The following NCKAP5 variants were observed in gnomAD, a reference collection of about 807,000 sequenced individuals.
NCKAP5 encodes nck-associated protein 5.
A neutral mutation model predicts 167.0 loss-of-function variants in NCKAP5; 92 were observed. The ratio of observed to expected loss-of-function variants is 0.55; its 90% CI spans 0.47 to 0.66. The LOEUF (loss-of-function observed/expected upper bound fraction) is 0.66. NCKAP5 is among the 30% of genes least tolerant of loss of function. NCKAP5 has a pLI of 0.00. For missense variants in NCKAP5, 2,378 were observed against 2,315.0 expected, an observed-to-expected ratio of 1.03 and a Z score of -0.56; for synonymous variants, 891 against 877.4, an observed-to-expected ratio of 1.02 and a Z score of -0.27.
chr2:133,029,749 T>A (rs1230496069), intron 6 of NCKAP5, among the ~76,000 whole-genome samples: 1 of 152,118 alleles, frequency 6.6e-6, no homozygotes, highest in Non-Finnish European at 1.5e-5. Flanking sequence ...TATCAGGCTG[T>A]GCTAGGGGAC....
chr2:133,470,647 G>A (rs1487724561), intron 3 of NCKAP5, among the ~76,000 whole-genome samples: 7 of 152,208 alleles, frequency 4.6e-5, no homozygotes, highest in Admixed American at 6.5e-5. Flanking sequence ...AGACTGCTGT[G>A]CTAGTAATCA....
intron 16 of NCKAP5, among the ~76,000 whole-genome samples, chr2:132,744,961 G>T (rs1012949731): frequency 8.6e-5 from 13 of 151,622 alleles, no homozygotes; most frequent in Non-Finnish European, 1.0e-4. Flanking sequence ...AATTGAATTT[G>T]GAATTAAAAA....
At chr2:133,539,918 C>T (rs940463418) in intron 2 of NCKAP5, among the ~76,000 whole-genome samples, 4 of 152,306 alleles carry the variant, frequency 2.6e-5, no homozygotes, top group Non-Finnish European at 2.9e-5. Context: ...CGGTGGCTCA[C>T]GCCTGTAATC....
intron 3 of NCKAP5, among the ~76,000 whole-genome samples, chr2:133,444,228 A>G (rs1181813299): frequency 6.6e-6 from 1 of 152,190 alleles, no homozygotes; most frequent in African/African-American, 2.4e-5. Context: ...TTTTGGTACC[A>G]TGGTCTAGGG....
chr2:132,838,095 A>T (rs751207362), intron 11 of NCKAP5, among the ~76,000 whole-genome samples: 12 of 152,172 alleles, frequency 7.9e-5, no homozygotes, highest in Non-Finnish European at 1.8e-4. Flanking sequence ...TCACAAGTCA[A>T]ACCCTTTGTT....
At chr2:133,270,317 T>A (rs957128752) in intron 4 of NCKAP5, among the ~76,000 whole-genome samples, 2 of 152,158 alleles carry the variant, frequency 1.3e-5, no homozygotes, top group Admixed American at 6.5e-5. Context: ...CTTAAAAAAA[T>A]TATTAAAAAA....
At chr2:133,064,010 G>A (rs1016937200) in intron 6 of NCKAP5, among the ~76,000 whole-genome samples, 62 of 152,286 alleles carry the variant, frequency 4.1e-4, no homozygotes, top group African/African-American at 1.5e-3. Flanking sequence ...TTTCTTAGCA[G>A]TTGTTGCCAC....
At chr2:132,719,062 G>C (rs952086012) in intron 19 of NCKAP5, among the ~76,000 whole-genome samples, 1 of 152,146 alleles carries the variant, frequency 6.6e-6, no homozygotes. Context: ...TAGAGAAGAA[G>C]GGTGTTAGTA....
chr2:133,515,481 A>G (rs779973910), intron 3 of NCKAP5, among the ~76,000 whole-genome samples: 2 of 152,202 alleles, frequency 1.3e-5, no homozygotes, highest in Non-Finnish European at 2.9e-5. Flanking sequence ...AAGCTCTCCT[A>G]AGCATGACAC....
chr2:133,285,446 A>G (rs901568008), intron 4 of NCKAP5, among the ~76,000 whole-genome samples: 1 of 151,312 alleles, frequency 6.6e-6, no homozygotes, highest in Non-Finnish European at 1.5e-5. Context: ...CTATAGTATA[A>G]TGGTTTAGCA....
chr2:133,531,395 AC>A (rs1287608166), intron 2 of NCKAP5, among the ~76,000 whole-genome samples: 1 of 152,030 alleles, frequency 6.6e-6, no homozygotes, highest in East Asian at 1.9e-4. Flanking sequence ...TTTTCTACTT[AC>A]TTTTTCTAAT....
chr2:132,871,762 G>T (rs1264339304), intron 9 of NCKAP5, among the ~76,000 whole-genome samples: 1 of 151,228 alleles, frequency 6.6e-6, no homozygotes, highest in Non-Finnish European at 1.5e-5. Flanking sequence ...CTACTGACAT[G>T]AGGTTATATT....
At chr2:133,375,631 C>T (rs937352602) in intron 3 of NCKAP5, among the ~76,000 whole-genome samples, 1 of 152,198 alleles carries the variant, frequency 6.6e-6, no homozygotes, top group African/African-American at 2.4e-5. Context: ...GTGCATTGTT[C>T]TCATCCCCAT....
chr2:133,619,057 A>C, the NCKAP5 span, among the ~76,000 whole-genome samples: 1 of 135,718 alleles, frequency 7.4e-6, no homozygotes, highest in Non-Finnish European at 1.6e-5. Flanking sequence ...TCTCAAGAAC[A>C]AAAAACCAAA....
chr2:133,531,571 T>G (rs1224449241), intron 2 of NCKAP5, among the ~76,000 whole-genome samples: 1 of 152,186 alleles, frequency 6.6e-6, no homozygotes, highest in Non-Finnish European at 1.5e-5. Context: ...TGTCCGATAC[T>G]TACAAGTCTT....
intron 19 of NCKAP5, among the ~76,000 whole-genome samples, chr2:132,686,402 CA>C (rs1685942207): frequency 6.6e-6 from 1 of 152,164 alleles, no homozygotes; most frequent in African/African-American, 2.4e-5. Flanking sequence ...CTTTTCTGAC[CA>C]GGGGCCCTGA....
chr2:132,871,449 T>G (rs1224976361), intron 9 of NCKAP5, among the ~76,000 whole-genome samples: 1 of 152,212 alleles, frequency 6.6e-6, no homozygotes, highest in East Asian at 1.9e-4. Flanking sequence ...TGATTTACAT[T>G]CTCATAAAAC....
chr2:133,035,239 C>A (rs1427671446), intron 6 of NCKAP5, among the ~76,000 whole-genome samples: 1 of 151,898 alleles, frequency 6.6e-6, no homozygotes, highest in Non-Finnish European at 1.5e-5. Context: ...ATGCACACAA[C>A]CCTGGAGTAC....
intron 19 of NCKAP5, among the ~76,000 whole-genome samples, chr2:132,709,776 A>G (rs184955756): frequency 7.3e-4 from 111 of 152,248 alleles, no homozygotes; most frequent in African/African-American, 2.6e-3. Flanking sequence ...CAAGGGCTAA[A>G]TCATTCTAAC....
Sources: gnomAD v4.1 joint callset for allele counts (sites outside exome capture counted in the v4.1 genomes callset) on GRCh38, gnomAD v4.1.1 for gene constraint, MANE v1.5 for transcripts, NCBI Gene and HGNC (gene_info 2026-07-23, HGNC 2026-07-21) for gene names.